The following TMEM120B variants were observed in gnomAD, a reference collection of about 807,000 sequenced individuals.
TMEM120B encodes transmembrane protein 120B.
TMEM120B carries 31 observed loss-of-function variants against 55.5 expected under a neutral mutation model. That is an observed-to-expected ratio of 0.56 (90% CI 0.42 to 0.75). TMEM120B has a LOEUF of 0.75. Among genes scored for constraint, TMEM120B ranks in the 30% least tolerant of loss-of-function variants. TMEM120B has a pLI of 0.00. For missense variants in TMEM120B, 399 were observed against 425.5 expected, an observed-to-expected ratio of 0.94 and a Z score of 0.55; for synonymous variants, 203 against 176.3, an observed-to-expected ratio of 1.15 and a Z score of -1.20.
chr12:121,770,664 G>A (rs1280930780), intron 6 of TMEM120B, among the ~76,000 whole-genome samples: 2 of 152,224 alleles, frequency 1.3e-5, no homozygotes, highest in Middle Eastern at 3.4e-3. Flanking sequence ...GTGCTCTGAG[G>A]GTTGCTGGAA....
At chr12:121,723,249 C>G (rs568644817) in intron 1 of TMEM120B, among the ~76,000 whole-genome samples, 2 of 152,204 alleles carry the variant, frequency 1.3e-5, no homozygotes, top group East Asian at 3.9e-4. Context: ...CTCACTGCAG[C>G]CTTGAACTCC....
intron 6 of TMEM120B, among the ~76,000 whole-genome samples, chr12:121,762,553 C>T (rs1873714606): frequency 6.6e-6 from 1 of 152,196 alleles, no homozygotes; most frequent in South Asian, 2.1e-4. Context: ...GATTGCAGTG[C>T]TGTGACTGGC....
In TMEM120B at chr12:121,777,428, A is replaced by T. The variant is rs1002004008; in HGVS notation, c.*1706A>T. 6.6e-6 allele frequency: 1 copy of T among 152,128 alleles called. No homozygotes were observed. Among genetic ancestry groups the T allele is most frequent in the African/African-American group, 2.4e-5 (1 of 41,424 alleles). The allele number at this position is 152,128 out of a possible 1,614,324, so 9.4% of individuals were successfully genotyped here. On this transcript the variant is annotated 3_prime_UTR_variant, in exon 12 of 12. Coordinates refer to ENST00000449592, the MANE Select transcript of TMEM120B (RefSeq NM_001080825.2). ...CTGTGCCTGGCCTGATTACATTTTT[A>T]AAATGAGATTTCCCCACCCCTACAG...
intron 1 of TMEM120B, among the ~76,000 whole-genome samples, chr12:121,737,387 C>T (rs1872779147): frequency 1.3e-5 from 2 of 152,218 alleles, no homozygotes; most frequent in South Asian, 4.1e-4. Flanking sequence ...CACCCTTAAT[C>T]TCAGCTACTC....
At chr12:121,733,054 T>G (rs1231260964) in intron 1 of TMEM120B, among the ~76,000 whole-genome samples, 1 of 151,776 alleles carries the variant, frequency 6.6e-6, no homozygotes, top group Non-Finnish European at 1.5e-5. Flanking sequence ...CCCAGAGAAA[T>G]CTTCTCTAGA....
At chr12:121,759,183 G>A (rs1873588167) in intron 5 of TMEM120B, among the ~76,000 whole-genome samples, 1 of 150,796 alleles carries the variant, frequency 6.6e-6, no homozygotes, top group Admixed American at 6.6e-5. Flanking sequence ...AAAGTGCTGG[G>A]ATTACAGGCG....
At chr12:121,720,458 C>A (rs904958874) in intron 1 of TMEM120B, among the ~76,000 whole-genome samples, 1 of 152,024 alleles carries the variant, frequency 6.6e-6, no homozygotes, top group East Asian at 1.9e-4. Context: ...GCCTGTAATC[C>A]CAGCACCTTG....
intron 8 of TMEM120B, 68 bp downstream of exon 8, chr12:121,771,617 C>A: frequency 6.8e-7 from 1 of 1,462,568 alleles, no homozygotes; most frequent in South Asian, 1.1e-5. Context: ...AAGGGAGGGC[C>A]CCAGCTGACA....
intron 1 of TMEM120B, among the ~76,000 whole-genome samples, chr12:121,714,445 T>C (rs935400623): frequency 1.7e-4 from 25 of 149,962 alleles, no homozygotes; most frequent in Middle Eastern, 3.6e-3. Flanking sequence ...TTAGTAGAGA[T>C]AGGGTTTCAC....
At chr12:121,754,290 C>G (rs899083148) in intron 5 of TMEM120B, among the ~76,000 whole-genome samples, 1 of 152,234 alleles carries the variant, frequency 6.6e-6, no homozygotes, top group African/African-American at 2.4e-5. Flanking sequence ...CAGCCACAGT[C>G]CCTTGCACAG....
chr12:121,771,397 C>A (rs149998571), intron 7 of TMEM120B, 91 bp from the exon 8 acceptor site: 1 of 1,141,706 alleles, frequency 8.8e-7, no homozygotes, highest in Non-Finnish European at 1.3e-6. Flanking sequence ...TACACCTTTT[C>A]GCCTCTTCTG....
rs1304202827 is a variant in TMEM120B, at chr12:121,770,988, C to T, written c.617+16C>T. ...TGCTGACCTGGTGAGTAGCCCCTCGCTGGGCCCCTCCAGCCTCCCAGGGAG... is the reference window on the plus strand; with the variant it reads ...TGCTGACCTGGTGAGTAGCCCCTCGTTGGGCCCCTCCAGCCTCCCAGGGAG... On this transcript the variant is annotated intron_variant, in intron 7 of 11. Coordinates refer to ENST00000449592, the MANE Select transcript of TMEM120B (RefSeq NM_001080825.2). The T allele has an allele frequency of 3.7e-6, 6 of 1,612,946 alleles. No individual in the cohort carries two copies. The highest frequency in any genetic ancestry group is 5.1e-6 in the Non-Finnish European group (6 of 1,179,484).
At chr12:121,770,379 C>T (rs549934763) in intron 6 of TMEM120B, among the ~76,000 whole-genome samples, 104 of 152,292 alleles carry the variant, frequency 6.8e-4, no homozygotes, top group African/African-American at 1.3e-3. Flanking sequence ...TCTTCAAAGG[C>T]CCTGTCTTCA....
chr12:121,748,355 C>G lies in TMEM120B; in HGVS notation c.218C>G (p.Ala73Gly). The G allele has an allele frequency of 1.2e-6, 2 of 1,610,916 alleles. No individual in the cohort carries two copies. The highest frequency in any genetic ancestry group is 1.7e-6 in the Non-Finnish European group (2 of 1,178,536). ...AAACGCCATGCCAGTCGGGAGGAGG[C>G]GGAGCTCGTTCAGCAGATGGCAGCG... is the stretch of plus-strand genomic sequence containing the variant. ...RCKRHASREEAELVQQMAANI... is the reference protein window; with the variant it reads ...RCKRHASREEGELVQQMAANI... The change falls in exon 3 of 12, where the codon GCG (alanine) becomes GGG (glycine). Residue 73 changes from alanine (A) to glycine (G), a missense_variant. Ala to Gly is a moderately conservative substitution (Grantham distance 60, BLOSUM62 0). Transcript: ENST00000449592.
intron 1 of TMEM120B, among the ~76,000 whole-genome samples, chr12:121,732,956 G>A (rs1312012239): frequency 2.7e-5 from 4 of 149,644 alleles, no homozygotes; most frequent in Non-Finnish European, 5.9e-5. Context: ...TCCAGCCTGG[G>A]CAACAGAGGG....
chr12:121,736,205 C>G (rs182194111), intron 1 of TMEM120B, among the ~76,000 whole-genome samples: 1 of 151,810 alleles, frequency 6.6e-6, no homozygotes, highest in Non-Finnish European at 1.5e-5. Context: ...CGGCGTGTCT[C>G]GCTCTGTGGC....
rs151002178 is a variant in TMEM120B at position 121,715,390 on chromosome 12, A to G, written c.69+2426A>G. On this transcript the variant is annotated intron_variant, in intron 1 of 11. Transcript: ENST00000449592. The stretch of plus-strand genomic sequence containing the variant: ...ACTTAAGAGCTGTGCAATTAATGCA[A>G]TTAACAGCAATTAGATAGCAAGTCT... Among the ~76,000 whole-genome samples, 93 of 152,306 alleles carry G rather than the reference A, an allele frequency of 6.1e-4. No homozygotes were observed. In the East Asian group the frequency reaches 0.01, roughly 16 times the overall value.
chr12:121,762,755 T>A (rs1308457613), intron 6 of TMEM120B, among the ~76,000 whole-genome samples: 2 of 152,126 alleles, frequency 1.3e-5, no homozygotes, highest in Non-Finnish European at 2.9e-5. Flanking sequence ...GAAGAGGATA[T>A]TAGGCCAAAC....
intron 6 of TMEM120B, among the ~76,000 whole-genome samples, chr12:121,767,618 T>C (rs1250792104): frequency 6.6e-6 from 1 of 152,230 alleles, no homozygotes; most frequent in East Asian, 1.9e-4. Context: ...TTGTGCACTT[T>C]CAGTGAGTGA....
Sources: allele counts gnomAD v4.1 joint callset (sites outside exome capture counted in the v4.1 genomes callset), GRCh38; gene constraint gnomAD v4.1.1; transcripts MANE v1.5; gene names NCBI Gene and HGNC (gene_info 2026-07-23, HGNC 2026-07-21).